Variants in RABGAP1L observed in about 807,000 individuals in gnomAD.
RABGAP1L encodes RAB GTPase activating protein 1 like, also known as rab GTPase-activating protein 1-like.
In RABGAP1L, 63 loss-of-function variants were observed where a neutral mutation model predicts 137.7. The ratio of observed to expected loss-of-function variants is 0.46; its 90% CI spans 0.37 to 0.56. The LOEUF (loss-of-function observed/expected upper bound fraction) is 0.56. RABGAP1L is among the 20% of genes least tolerant of loss of function. The probability of loss-of-function intolerance (pLI) is 0.00; values close to 1 mark genes in which losing one functional copy is unlikely to be tolerated. For missense variants in RABGAP1L, 1,095 were observed against 1,244.0 expected, an observed-to-expected ratio of 0.88 and a Z score of 1.80; for synonymous variants, 431 against 433.7, an observed-to-expected ratio of 0.99 and a Z score of 0.08.
At chr1:174,800,195 A>G (rs1688625172) in intron 18 of RABGAP1L, 1 of 1,400,906 alleles carries the variant, frequency 7.1e-7, no homozygotes, top group Non-Finnish European at 9.3e-7. Context: ...TTGTGGAGAC[A>G]TTAGCTGACA....
rs534046057 is a variant in RABGAP1L, at chr1:174,788,768, A to G, written c.2212-23064A>G. Among the ~76,000 whole-genome samples the G allele has an allele frequency of 7.3e-4, 111 of 152,210 alleles. 1 individual carries two copies. The highest frequency in any genetic ancestry group is 2.5e-3 in the African/African-American group (103 of 41,542). ...GTTCTGTTGCCCAGGCTGGAGTGCA[A>G]TGGCATGATCTCGGCTTACTGGAAC... On this transcript the variant is annotated intron_variant, in intron 18 of 25. Transcript: ENST00000681986.
intron 17 of RABGAP1L, among the ~76,000 whole-genome samples, chr1:174,718,486 T>C (rs1465857211): frequency 1.3e-5 from 2 of 152,196 alleles, no homozygotes; most frequent in Non-Finnish European, 2.9e-5. Context: ...GGATGTGCTG[T>C]GCCCCAAGAA....
At chr1:174,423,023 T>G (rs985306244) in intron 13 of RABGAP1L, among the ~76,000 whole-genome samples, 5 of 151,996 alleles carry the variant, frequency 3.3e-5, no homozygotes, top group Non-Finnish European at 7.4e-5. Context: ...TTTAGCACAC[T>G]TTTTTCCCAA....
chr1:174,263,442 A>G (rs1243879194), intron 7 of RABGAP1L, among the ~76,000 whole-genome samples: 2 of 152,082 alleles, frequency 1.3e-5, no homozygotes, highest in South Asian at 4.1e-4. Context: ...CCCTGTTTAA[A>G]TTACTGTGTT....
At chr1:174,749,280 T>C (rs1388300320) in intron 17 of RABGAP1L, among the ~76,000 whole-genome samples, 1 of 151,986 alleles carries the variant, frequency 6.6e-6, no homozygotes, top group Non-Finnish European at 1.5e-5. Context: ...TTCCAGGTCA[T>C]AGGTGGATTC....
chr1:174,447,681 G>C (rs535584559), intron 13 of RABGAP1L, among the ~76,000 whole-genome samples: 1 of 152,130 alleles, frequency 6.6e-6, no homozygotes, highest in Non-Finnish European at 1.5e-5. Context: ...TCTCTTAGGA[G>C]AACAGCCCAC....
chr1:174,764,380 CCAAA>C (rs1382597191), intron 18 of RABGAP1L, among the ~76,000 whole-genome samples: 1 of 152,140 alleles, frequency 6.6e-6, no homozygotes, highest in African/African-American at 2.4e-5. Flanking sequence ...TAAGGAGCTG[CCAAA>C]CAGTTTTCCA....
chr1:174,699,003 ATT>A (rs11350428), intron 15 of RABGAP1L, among the ~76,000 whole-genome samples: 28 of 148,046 alleles, frequency 1.9e-4, no homozygotes, highest in Admixed American at 1.6e-3. Context: ...ATTTTATTTT[ATT>A]TTTTTTTTAG....
At chr1:174,392,393 T>C (rs1411026425) in intron 12 of RABGAP1L, among the ~76,000 whole-genome samples, 4 of 152,218 alleles carry the variant, frequency 2.6e-5, no homozygotes, top group African/African-American at 4.8e-5. Flanking sequence ...TGAAACTTGC[T>C]TTTGTCACTT....
intron 12 of RABGAP1L, among the ~76,000 whole-genome samples, chr1:174,375,180 CAA>C (rs924991083): frequency 6.6e-6 from 1 of 151,832 alleles, no homozygotes; most frequent in Non-Finnish European, 1.5e-5. Flanking sequence ...AAACTATAAA[CAA>C]AATTTAATAT....
intron 13 of RABGAP1L, among the ~76,000 whole-genome samples, chr1:174,614,304 C>G (rs1052235991): frequency 1.3e-5 from 2 of 152,158 alleles, no homozygotes; most frequent in African/African-American, 2.4e-5. Context: ...GTTTATTTCT[C>G]CTTCACTTAT....
At chr1:174,647,903 A>C (rs757959380) in intron 14 of RABGAP1L, among the ~76,000 whole-genome samples, 2 of 152,100 alleles carry the variant, frequency 1.3e-5, no homozygotes, top group Non-Finnish European at 2.9e-5. Flanking sequence ...TGGTCTATTC[A>C]GGGACTCGAC....
chr1:174,972,328 G>GT, intron 21 of RABGAP1L, among the ~76,000 whole-genome samples: 2 of 152,278 alleles, frequency 1.3e-5, no homozygotes, highest in Middle Eastern at 6.8e-3. Context: ...GGCCTGGTTA[G>GT]TTCTTTCAGA....
chr1:174,702,001 A>C, intron 16 of RABGAP1L, 112 bp from the exon 17 acceptor site: 1 of 938,044 alleles, frequency 1.1e-6, no homozygotes, highest in Non-Finnish European at 1.6e-6. Context: ...CAATACTAGA[A>C]TAGAGTTACA....
At chr1:174,421,598 C>T (rs994775961) in intron 13 of RABGAP1L, among the ~76,000 whole-genome samples, 2 of 152,152 alleles carry the variant, frequency 1.3e-5, no homozygotes, top group African/African-American at 4.8e-5. Flanking sequence ...TCTTAGATTT[C>T]CTTTATTTGA....
At position 174,994,439 on chromosome 1, in the gene RABGAP1L, G is replaced by C. The variant is rs1021032577; in HGVS notation, c.*4438G>C. ...CCCATTCTTCCTACCTCCATCTCTGGTTTGTCATTAGTGGTATTCTGAAAA... is the reference window on the plus strand; with the variant it reads ...CCCATTCTTCCTACCTCCATCTCTGCTTTGTCATTAGTGGTATTCTGAAAA... On this transcript the variant is annotated 3_prime_UTR_variant, in exon 26 of 26. Transcript: ENST00000681986. 6 of 152,014 alleles carry C rather than the reference G, an allele frequency of 3.9e-5. No individual in the cohort carries two copies. Among genetic ancestry groups the C allele is most frequent in the Admixed American group, 1.3e-4 (2 of 15,256 alleles). The allele number at this position is 152,014 out of a possible 1,614,324, so 9.4% of individuals were successfully genotyped here.
chr1:174,934,673 C>G (rs1225885329), intron 19 of RABGAP1L, among the ~76,000 whole-genome samples: 3 of 151,902 alleles, frequency 2.0e-5, no homozygotes, highest in Non-Finnish European at 2.9e-5. Context: ...CACCTGTGGT[C>G]CCAGCTACTC....
In RABGAP1L at chr1:174,493,943, C is replaced by T. The variant is rs187057403; in HGVS notation, c.1710+99798C>T. Among the ~76,000 whole-genome samples, 16 of 152,056 alleles carry T rather than the reference C, an allele frequency of 1.1e-4. No homozygotes were observed. In the East Asian group the frequency reaches 2.3e-3, roughly 22 times the overall value. ...AAGTTGACATCTTGACATTGTTTCACATTTATATTTGAACTTAAATACTTT... is the reference window on the plus strand; with the variant it reads ...AAGTTGACATCTTGACATTGTTTCATATTTATATTTGAACTTAAATACTTT... On this transcript the variant is annotated intron_variant, in intron 13 of 25. Coordinates refer to ENST00000681986, the MANE Select transcript of RABGAP1L (RefSeq NM_001366446.1).
intron 13 of RABGAP1L, among the ~76,000 whole-genome samples, chr1:174,524,272 G>A (rs1261292116): frequency 1.3e-5 from 2 of 151,830 alleles, no homozygotes; most frequent in African/African-American, 4.8e-5. Context: ...CCTACCAACA[G>A]CGTATAAGAG....
Sources: gnomAD v4.1 joint callset for allele counts (sites outside exome capture counted in the v4.1 genomes callset) on GRCh38, gnomAD v4.1.1 for gene constraint, MANE v1.5 for transcripts, NCBI Gene and HGNC (gene_info 2026-07-23, HGNC 2026-07-21) for gene names.